The following MTERF1 variants were observed in gnomAD, a reference collection of about 807,000 sequenced individuals.
MTERF1 encodes mitochondrial transcription termination factor 1, also known as transcription termination factor 1, mitochondrial.
Under a neutral mutation model 31.6 loss-of-function variants are expected in MTERF1, and 29 were observed. That is an observed-to-expected ratio of 0.92 (90% CI 0.68 to 1.25). MTERF1 has a LOEUF of 1.25. Ranked by LOEUF, MTERF1 falls within the 50% of genes most tolerant of loss-of-function variation. The pLI is 0.00. For missense variants in MTERF1, 500 were observed against 469.1 expected (o/e 1.07, Z -0.61); for synonymous variants, 152 against 164.1 (o/e 0.93, Z 0.57).
In MTERF1 at chr7:91,873,526, C is replaced by G. The variant is rs1789236244; in HGVS notation, c.*68G>C. ...TAATAACATTTTAAATTAATCACTTCTGCAAAATTCTTTTGCAATGTGGCA... is the reference window on the plus strand; with the variant it reads ...TAATAACATTTTAAATTAATCACTTGTGCAAAATTCTTTTGCAATGTGGCA... On this transcript the variant is annotated 3_prime_UTR_variant, in exon 3 of 3. Coordinates refer to ENST00000351870, the MANE Select transcript of MTERF1 (RefSeq NM_006980.5). 1 of 1,330,854 alleles carries G rather than the reference C, an allele frequency of 7.5e-7. No individual in the cohort carries two copies. Among genetic ancestry groups the G allele is most frequent in the East Asian group, 2.4e-5 (1 of 40,942 alleles). 82.4% of individuals were successfully genotyped at this position (1,330,854 alleles called of 1,614,324 possible).
chr7:91,877,732 C>T (rs1412464488), intron 2 of MTERF1, among the ~76,000 whole-genome samples: 1 of 152,156 alleles, frequency 6.6e-6, no homozygotes, highest in Non-Finnish European at 1.5e-5. Flanking sequence ...CTCGAAACTG[C>T]CACCATACTG....
intron 2 of MTERF1, among the ~76,000 whole-genome samples, chr7:91,876,532 C>T (rs1308233674): frequency 6.6e-6 from 1 of 152,222 alleles, no homozygotes; most frequent in African/African-American, 2.4e-5. Context: ...CAAAGAAAGC[C>T]TCTTTGTGTC....
Position 91,873,808 on chromosome 7 carries a change from T to C in MTERF1, c.986A>G (p.Asn329Ser). The change falls in exon 3 of 3, where the codon AAT (asparagine) becomes AGT (serine). Residue 329 changes from asparagine (N) to serine (S), a missense_variant. Coordinates refer to ENST00000351870, the MANE Select transcript of MTERF1 (RefSeq NM_006980.5). ...DVIFLAEKKF[N>S]DKIDCLMEEN... ...TTCCATGAGGCAGTCTATTTTATCATTAAACTTTTTCTCTGCCAAGAAGAT... is the reference window on the plus strand; with the variant it reads ...TTCCATGAGGCAGTCTATTTTATCACTAAACTTTTTCTCTGCCAAGAAGAT... 1.2e-6 allele frequency: 2 copies of C among 1,614,156 alleles called. No individual in the cohort carries two copies.
Position 91,871,863 on chromosome 7 carries a change from G to A in MTERF1, c.*1731C>T, listed in dbSNP as rs1325828509. The A allele has an allele frequency of 1.3e-5, 2 of 152,206 alleles. No homozygotes were observed. The highest frequency in any genetic ancestry group is 4.1e-4 in the South Asian group (2 of 4,830). 9.4% of individuals were successfully genotyped at this position (152,206 alleles called of 1,614,324 possible). A position where few individuals can be genotyped will look rare whatever the true frequency, so the allele number is the denominator to read the frequency against. ...ATCCCCAATGTGGCAGTATTGAGAG[G>A]TGGGGCCTTTAAGAGGTGACTGGAT... On this transcript the variant is annotated 3_prime_UTR_variant, in exon 3 of 3. Transcript: ENST00000351870.
At position 91,874,282 on chromosome 7, in the gene MTERF1, T is replaced by C. The variant is rs771115686; in HGVS notation, c.512A>G (p.Asn171Ser). The C allele has an allele frequency of 5.0e-6, 8 of 1,613,952 alleles. No individual in the cohort carries two copies. In the African/African-American group the frequency reaches 5.3e-5, roughly 11 times the overall value. ...ATTATTCTCTAAGTTTAGGTTGTTA[T>C]TGGACCGAAAAAAGGATTCAGGAGA... ...ERSPESFFRSNNNLNLENNIK... is the reference protein window; with the variant it reads ...ERSPESFFRSSNNLNLENNIK... Residue 171 changes from asparagine to serine, a missense_variant, in exon 3 of 3, where the codon AAT becomes AGT. Physicochemically the swap from Asn to Ser is conservative, Grantham distance 46. Coordinates refer to ENST00000351870, the MANE Select transcript of MTERF1 (RefSeq NM_006980.5).
rs1789203600 is a variant in MTERF1, at chr7:91,872,500, G to A, written c.*1094C>T. The stretch of plus-strand genomic sequence containing the variant: ...TTGCTTTCTAAACTATGCCATGCTT[G>A]CCATCAAATAGTTAACCAAATTATA... On this transcript the variant is annotated 3_prime_UTR_variant, in exon 3 of 3. Transcript: ENST00000351870. 1 of 152,144 alleles carries A rather than the reference G, an allele frequency of 6.6e-6. No homozygotes were observed. The highest frequency in any genetic ancestry group is 1.5e-5 in the Non-Finnish European group (1 of 68,028). The allele number at this position is 152,144 out of a possible 1,614,324, so 9.4% of individuals were successfully genotyped here. A position where few individuals can be genotyped will look rare whatever the true frequency, so the allele number is the denominator to read the frequency against.
chr7:91,879,038 GT>G (rs1274827362), intron 2 of MTERF1, among the ~76,000 whole-genome samples: 5 of 152,076 alleles, frequency 3.3e-5, no homozygotes, highest in Admixed American at 3.3e-4. Flanking sequence ...AGCTACTCAG[GT>G]GGCTAAGGCA....
At chr7:91,877,067 T>C (rs1789363161) in intron 2 of MTERF1, 1 of 307,732 alleles carries the variant, frequency 3.2e-6, no homozygotes, top group Non-Finnish European at 4.7e-6. Flanking sequence ...GAAAAATTCT[T>C]TCTACATATG....
In MTERF1 at chr7:91,873,836, C is replaced by A. The variant is rs769402682; in HGVS notation, c.958G>T (p.Val320Leu). 2 of 1,614,104 alleles carry A rather than the reference C, an allele frequency of 1.2e-6. No homozygotes were observed. The highest frequency in any genetic ancestry group is 1.7e-6 in the Non-Finnish European group (2 of 1,180,014). The change falls in exon 3 of 3, where the codon GTG (valine) becomes TTG (leucine). Residue 320 changes from valine (V) to leucine (L), a missense_variant. Physicochemically the swap from Val to Leu is conservative, Grantham distance 32. Transcript: ENST00000351870. ...AACTTTTTCTCTGCCAAGAAGATCA[C>A]ATCTGGATAGCTTAAGACAAACTTC... ...VQKFVLSYPD[V>L]IFLAEKKFND...
chr7:91,878,403 T>A (rs1312780802), intron 2 of MTERF1, among the ~76,000 whole-genome samples: 1 of 152,222 alleles, frequency 6.6e-6, no homozygotes, highest in Non-Finnish European at 1.5e-5. Flanking sequence ...TTAATAATAT[T>A]GACTGTTAAT....
chr7:91,880,263 G>A, intron 1 of MTERF1, 150 bp from the exon 2 acceptor site: 1 of 622,600 alleles, frequency 1.6e-6, no homozygotes, highest in Non-Finnish European at 2.7e-6. Flanking sequence ...CAGACATACA[G>A]AAAAGAAAAC....
Position 91,871,029 on chromosome 7 carries a change from C to G in MTERF1, c.*2565G>C, listed in dbSNP as rs1213110512. 1 of 151,762 alleles carries G rather than the reference C, an allele frequency of 6.6e-6. No homozygotes were observed. Among genetic ancestry groups the G allele is most frequent in the Non-Finnish European group, 1.5e-5 (1 of 68,030 alleles). 9.4% of individuals were successfully genotyped at this position (151,762 alleles called of 1,614,324 possible). A position where few individuals can be genotyped will look rare whatever the true frequency, so the allele number is the denominator to read the frequency against. On this transcript the variant is annotated 3_prime_UTR_variant, in exon 3 of 3. Coordinates refer to ENST00000351870, the MANE Select transcript of MTERF1 (RefSeq NM_006980.5). ...CAAGCAATCCTCCCACCTCGGCCTC[C>G]CAAATTGCTGGGATTACAGGCGTGA... is the stretch of plus-strand genomic sequence containing the variant.
intron 2 of MTERF1, among the ~76,000 whole-genome samples, chr7:91,878,298 A>T (rs528661208): frequency 6.6e-6 from 1 of 152,348 alleles, no homozygotes; most frequent in African/African-American, 2.4e-5. Flanking sequence ...GGTCTCAGCT[A>T]AACCTAGAAA....
chr7:91,874,068 AG>A lies in MTERF1; in HGVS notation c.725del (p.Pro242LeufsTer4). 1.2e-6 allele frequency: 2 copies of A among 1,614,146 alleles called. No homozygotes were observed. Among genetic ancestry groups the A allele is most frequent in the Non-Finnish European group, 8.5e-7 (1 of 1,180,024 alleles). ...GCTTGGTGCTCTGAATTAAGATAAA[AG>A]GGTTTTTAAAAATTATCTTTCTGAC... is the stretch of plus-strand genomic sequence containing the variant. ...DFVRKIIFKN[P>X]FILIQSTKRV... On this transcript the variant is annotated frameshift_variant, in exon 3 of 3. Coordinates refer to ENST00000351870, the MANE Select transcript of MTERF1 (RefSeq NM_006980.5). LOFTEE classifies it high-confidence loss of function.
In MTERF1 at chr7:91,871,797, G is replaced by C. The variant is rs2130288573; in HGVS notation, c.*1797C>G. 1 of 152,302 alleles carries C rather than the reference G, an allele frequency of 6.6e-6. No homozygotes were observed. Among genetic ancestry groups the C allele is most frequent in the South Asian group, 2.1e-4 (1 of 4,824 alleles). 9.4% of individuals were successfully genotyped at this position (152,302 alleles called of 1,614,324 possible). A position where few individuals can be genotyped will look rare whatever the true frequency, so the allele number is the denominator to read the frequency against. ...GATTGTGGTGATGGTTGCTGCTATG[G>C]TTTGACTATCCATCCCCTCCAAAAC... On this transcript the variant is annotated 3_prime_UTR_variant, in exon 3 of 3. Transcript: ENST00000351870.
At chr7:91,879,932 ACTGGC>A in intron 2 of MTERF1, 118 bp downstream of exon 2, 2 of 1,122,840 alleles carry the variant, frequency 1.8e-6, no homozygotes, top group South Asian at 2.7e-5. Context: ...CTGCCCCACA[ACTGGC>A]CTGTTAAAAA....
chr7:91,871,389 T>C lies in MTERF1; in HGVS notation c.*2205A>G, dbSNP rs1489257772. 1.3e-5 allele frequency: 2 copies of C among 152,324 alleles called. No homozygotes were observed. Among genetic ancestry groups the C allele is most frequent in the East Asian group, 1.9e-4 (1 of 5,180 alleles). The allele number at this position is 152,324 out of a possible 1,614,324, so 9.4% of individuals were successfully genotyped here. ...CACCTCCTTCAAGTCCCTTATGAGC[T>C]TGTTAGATTCCAAAACAATACCTCA... is the stretch of plus-strand genomic sequence containing the variant. On this transcript the variant is annotated 3_prime_UTR_variant, in exon 3 of 3. Coordinates refer to ENST00000351870, the MANE Select transcript of MTERF1 (RefSeq NM_006980.5).
At position 91,872,831 on chromosome 7, in the gene MTERF1, T is replaced by C. The variant is rs745365789; in HGVS notation, c.*763A>G. 4 of 152,200 alleles carry C rather than the reference T, an allele frequency of 2.6e-5. No individual in the cohort carries two copies. The highest frequency in any genetic ancestry group is 5.9e-5 in the Non-Finnish European group (4 of 68,022). 9.4% of individuals were successfully genotyped at this position (152,200 alleles called of 1,614,324 possible). A position where few individuals can be genotyped will look rare whatever the true frequency, so the allele number is the denominator to read the frequency against. On this transcript the variant is annotated 3_prime_UTR_variant, in exon 3 of 3. Transcript: ENST00000351870. ...GTCAATGCCTCTGAAAATTACTCTT[T>C]AATATTAGCTGAAATGCCAACAAAA...
Position 91,874,552 on chromosome 7 carries a change from G to A in MTERF1, c.242C>T (p.Thr81Ile). Residue 81 changes from threonine (T) to isoleucine (I), a missense_variant, in exon 3 of 3, where the codon ACT becomes ATT. Thr to Ile is a moderately conservative substitution (Grantham distance 89). Coordinates refer to ENST00000351870, the MANE Select transcript of MTERF1 (RefSeq NM_006980.5). ...TGCCATGTCAATATCTACTCCCATA[G>A]TAAGTAAGTTTTTCAGTAGGTCCTC... ...KNEDLLKNLLTMGVDIDMARK... is the reference protein window; with the variant it reads ...KNEDLLKNLLIMGVDIDMARK... 6.2e-7 allele frequency: 1 copy of A among 1,614,030 alleles called. No individual in the cohort carries two copies. Among genetic ancestry groups the A allele is most frequent in the Non-Finnish European group, 8.5e-7 (1 of 1,179,978 alleles).
Sources: allele counts gnomAD v4.1 joint callset (sites outside exome capture counted in the v4.1 genomes callset), GRCh38; gene constraint gnomAD v4.1.1; transcripts MANE v1.5; gene names NCBI Gene and HGNC (gene_info 2026-07-23, HGNC 2026-07-21).